Variants in NEGR1 observed in about 807,000 individuals in gnomAD.
NEGR1 encodes neuronal growth regulator 1.
Under a neutral mutation model 40.9 loss-of-function variants are expected in NEGR1, and 10 were observed. The ratio of observed to expected loss-of-function variants is 0.24; its 90% CI spans 0.15 to 0.42. The LOEUF (loss-of-function observed/expected upper bound fraction) is 0.42. Ranked by LOEUF, NEGR1 falls within the 10% of genes least tolerant of loss-of-function variation. NEGR1 has a pLI of 1.00. For missense variants in NEGR1, 352 were observed against 438.9 expected (o/e 0.80, Z 1.77); for synonymous variants, 185 against 166.8 (o/e 1.11, Z -0.84).
At chr1:71,788,812 T>A (rs543170300) in intron 2 of NEGR1, among the ~76,000 whole-genome samples, 1 of 152,188 alleles carries the variant, frequency 6.6e-6, no homozygotes, top group South Asian at 2.1e-4. Context: ...TTATATATTA[T>A]TCATTTGGTT....
At chr1:71,772,633 C>T (rs899528605) in intron 3 of NEGR1, among the ~76,000 whole-genome samples, 2 of 151,962 alleles carry the variant, frequency 1.3e-5, no homozygotes, top group Non-Finnish European at 2.9e-5. Context: ...ACGTATGATA[C>T]CAATGTTAAA....
chr1:71,546,906 A>G (rs1647916986), intron 6 of NEGR1, among the ~76,000 whole-genome samples: 1 of 151,680 alleles, frequency 6.6e-6, no homozygotes, highest in Non-Finnish European at 1.5e-5. Flanking sequence ...GAGGTGCCCT[A>G]TTGGTTGCCA....
chr1:71,706,155 A>G (rs1345401797), intron 3 of NEGR1, among the ~76,000 whole-genome samples: 2 of 152,234 alleles, frequency 1.3e-5, no homozygotes, highest in African/African-American at 2.4e-5. Flanking sequence ...TGCGGTGCAC[A>G]GAGCATCTTT....
chr1:72,236,788 GT>G, intron 1 of NEGR1, among the ~76,000 whole-genome samples: 1 of 151,936 alleles, frequency 6.6e-6, no homozygotes, highest in Admixed American at 6.6e-5. Flanking sequence ...TTTTCCTGTA[GT>G]TTACAGTAAA....
At chr1:71,940,139 C>CA (rs1645945713) in intron 1 of NEGR1, among the ~76,000 whole-genome samples, 1 of 152,092 alleles carries the variant, frequency 6.6e-6, no homozygotes, top group Non-Finnish European at 1.5e-5. Context: ...TCTCTGGTCA[C>CA]AAATTCAGAT....
At chr1:71,918,331 T>G (rs1661662696) in intron 2 of NEGR1, among the ~76,000 whole-genome samples, 1 of 144,932 alleles carries the variant, frequency 6.9e-6, no homozygotes. Flanking sequence ...AGCCTTGCAG[T>G]AATCCCAACC....
chr1:72,267,171 G>T (rs1655674240), intron 1 of NEGR1, among the ~76,000 whole-genome samples: 1 of 150,926 alleles, frequency 6.6e-6, no homozygotes, highest in African/African-American at 2.4e-5. Context: ...CCATTTTACA[G>T]TGAGGTAACC....
Position 71,401,469 on chromosome 1 carries a change from T to G in NEGR1, c.*5977A>C, listed in dbSNP as rs935305500. ...ATGTTTTTCAAACTAAGTGGTGATA[T>G]CCATAGGATTTGTATTATATTCATA... On this transcript the variant is annotated 3_prime_UTR_variant, in exon 7 of 7. Coordinates refer to ENST00000357731, the MANE Select transcript of NEGR1 (RefSeq NM_173808.3). 2.6e-5 allele frequency: 4 copies of G among 152,210 alleles called. No individual in the cohort carries two copies. Among genetic ancestry groups the G allele is most frequent in the African/African-American group, 9.7e-5 (4 of 41,450 alleles). 9.4% of individuals were successfully genotyped at this position (152,210 alleles called of 1,614,324 possible).
At chr1:71,740,019 T>C (rs748567842) in intron 3 of NEGR1, among the ~76,000 whole-genome samples, 7 of 152,228 alleles carry the variant, frequency 4.6e-5, no homozygotes, top group Non-Finnish European at 8.8e-5. Flanking sequence ...AGAAAGATTA[T>C]TAACAAGTTC....
intron 6 of NEGR1, among the ~76,000 whole-genome samples, chr1:71,427,378 C>A (rs189453867): frequency 1.3e-5 from 2 of 152,244 alleles, no homozygotes; most frequent in East Asian, 3.9e-4. Flanking sequence ...AAGTTAAATT[C>A]ACTGTTATTG....
chr1:72,087,838 C>T (rs1195365541), intron 1 of NEGR1, among the ~76,000 whole-genome samples: 1 of 150,258 alleles, frequency 6.7e-6, no homozygotes, highest in Non-Finnish European at 1.5e-5. Flanking sequence ...TAAAGAGATC[C>T]TCTTGCCTTG....
At chr1:71,576,157 A>T (rs1178494704) in intron 6 of NEGR1, among the ~76,000 whole-genome samples, 1 of 152,148 alleles carries the variant, frequency 6.6e-6, no homozygotes, top group East Asian at 1.9e-4. Flanking sequence ...CTGCCCATAG[A>T]GTTATCTAAG....
At chr1:72,149,879 C>CAAAAAAAAAAA (rs1180110033) in intron 1 of NEGR1, among the ~76,000 whole-genome samples, 2 of 39,378 alleles carry the variant, frequency 5.1e-5, no homozygotes, top group Non-Finnish European at 5.1e-5. Flanking sequence ...AAAACTCTGT[C>CAAAAAAAAAAA]AAAAAAAAAA....
intron 2 of NEGR1, among the ~76,000 whole-genome samples, chr1:71,835,112 G>T (rs893703666): frequency 1.3e-5 from 2 of 152,072 alleles, no homozygotes; most frequent in Admixed American, 6.6e-5. Context: ...CTACAATGAT[G>T]GGGTTAATAG....
At chr1:71,644,412 A>G (rs1281157355) in intron 4 of NEGR1, among the ~76,000 whole-genome samples, 2 of 151,848 alleles carry the variant, frequency 1.3e-5, no homozygotes, top group Non-Finnish European at 2.9e-5. Flanking sequence ...TCTTTTTTCC[A>G]TAATGTTTAT....
At chr1:72,198,887 T>TA (rs1394359749) in intron 1 of NEGR1, among the ~76,000 whole-genome samples, 2 of 152,016 alleles carry the variant, frequency 1.3e-5, no homozygotes, top group African/African-American at 4.8e-5. Flanking sequence ...TTGAATATAT[T>TA]TAAAAATTGA....
intron 1 of NEGR1, among the ~76,000 whole-genome samples, chr1:72,145,609 G>GAGATTGCATT (rs1650877190): frequency 6.6e-6 from 1 of 152,106 alleles, no homozygotes; most frequent in Non-Finnish European, 1.5e-5. Flanking sequence ...CTAGGGGGTA[G>GAGATTGCATT]AGATTGCATT....
At chr1:71,408,975 T>C (rs1646298424) in intron 6 of NEGR1, 1 of 152,074 alleles carries the variant, frequency 6.6e-6, no homozygotes, top group African/African-American at 2.4e-5. Context: ...GTCCCTGCAG[T>C]GGGAAGTTTC....
intron 1 of NEGR1, among the ~76,000 whole-genome samples, chr1:72,171,079 G>A (rs1283900111): frequency 6.6e-6 from 1 of 152,110 alleles, no homozygotes; most frequent in East Asian, 1.9e-4. Flanking sequence ...TAGGCTATGA[G>A]GGTAGGCCTT....
Sources: allele counts gnomAD v4.1 joint callset (sites outside exome capture counted in the v4.1 genomes callset), GRCh38; gene constraint gnomAD v4.1.1; transcripts MANE v1.5; gene names NCBI Gene and HGNC (gene_info 2026-07-23, HGNC 2026-07-21).